The following ELFN2 variants were observed in gnomAD, a reference collection of about 807,000 sequenced individuals.
ELFN2 encodes extracellular leucine rich repeat and fibronectin type III domain containing 2.
Under a neutral mutation model 45.5 loss-of-function variants are expected in ELFN2, and 17 were observed. That is an observed-to-expected ratio of 0.37 (90% CI 0.26 to 0.56). The LOEUF (loss-of-function observed/expected upper bound fraction) is 0.56, where lower values mean the gene tolerates loss of function less well. Ranked by LOEUF, ELFN2 falls within the 20% of genes least tolerant of loss-of-function variation. The probability of loss-of-function intolerance (pLI) is 0.77; values close to 1 mark genes in which losing one functional copy is unlikely to be tolerated. For synonymous variants in ELFN2, 550 were observed against 551.5 expected (o/e 1.00, Z 0.04); for missense variants, 922 against 1,183.2 (o/e 0.78, Z 3.24).
intron 2 of ELFN2, among the ~76,000 whole-genome samples, chr22:37,408,309 C>A (rs1046920101): frequency 6.6e-6 from 1 of 152,226 alleles, no homozygotes; most frequent in Non-Finnish European, 1.5e-5. Context: ...CTGCGGCCCG[C>A]ACTCCAGGGG....
chr22:37,363,759 C>G (rs369296447), downstream of ELFN2, among the ~76,000 whole-genome samples: 7 of 152,204 alleles, frequency 4.6e-5, no homozygotes, highest in African/African-American at 1.7e-4. Flanking sequence ...CCCTAGCTTC[C>G]TGACATGTCC....
chr22:37,422,562 G>T (rs530355845), intron 1 of ELFN2, among the ~76,000 whole-genome samples: 2 of 151,502 alleles, frequency 1.3e-5, no homozygotes, highest in Non-Finnish European at 2.9e-5. Context: ...AAAATTAGCC[G>T]GGTGTGGTGG....
In ELFN2 at chr22:37,417,618, G is replaced by A. The variant is rs558163353; in HGVS notation, c.-463+151C>T. Among the ~76,000 whole-genome samples the A allele has an allele frequency of 5.9e-5, 9 of 152,352 alleles. No individual in the cohort carries two copies. The highest frequency in any genetic ancestry group is 3.4e-3 in the Middle Eastern group (1 of 294). ...TGTGGAAGGAAAGCTGGGTGGGAGG[G>A]GTGCCCACGGCTGGGGGCAGGGGCC... On this transcript the variant is annotated intron_variant, in intron 2 of 2. Transcript: ENST00000402918. The surrounding 1 kb of genome is among the most constrained non-coding windows in gnomAD (Gnocchi z 4.5).
intron 2 of ELFN2, among the ~76,000 whole-genome samples, chr22:37,383,169 G>A (rs1340172305): frequency 6.6e-6 from 1 of 152,136 alleles, no homozygotes; most frequent in African/African-American, 2.4e-5. Flanking sequence ...CCAAGCACCA[G>A]TGCCGATGCG....
chr22:37,360,959 G>A (rs901356035), intron 1 of ELFN2, among the ~76,000 whole-genome samples: 16 of 152,288 alleles, frequency 1.1e-4, no homozygotes, highest in Admixed American at 8.5e-4. Context: ...CCTCTGGAAT[G>A]GGGTTTACAG....
intron 2 of ELFN2, among the ~76,000 whole-genome samples, chr22:37,400,991 C>T (rs1324180166): frequency 6.6e-5 from 10 of 152,338 alleles, no homozygotes; most frequent in African/African-American, 2.2e-4. Context: ...GTCCTGGGGA[C>T]GGTGCAGGGG....
At position 37,350,267 on chromosome 22, in the gene ELFN2, C is replaced by T. The variant is rs975629099; in HGVS notation, n.149-7564G>A. On this transcript the variant is annotated intron_variant and non_coding_transcript_variant, in intron 1 of 2. Transcript: ENST00000452946. ...CAGGTAGCAGCATAAATGGCAAGAACGGGTGGGAGCCAAGGAAATGATTCA... is the reference window on the plus strand; with the variant it reads ...CAGGTAGCAGCATAAATGGCAAGAATGGGTGGGAGCCAAGGAAATGATTCA... Among the ~76,000 whole-genome samples, 41 of 150,552 alleles carry T rather than the reference C, an allele frequency of 2.7e-4. 1 individual carries two copies. Among genetic ancestry groups the T allele is most frequent in the Non-Finnish European group, 5.8e-4 (39 of 67,124 alleles).
chr22:37,414,832 A>G (rs575577143), intron 2 of ELFN2, among the ~76,000 whole-genome samples: 1 of 152,286 alleles, frequency 6.6e-6, no homozygotes, highest in Non-Finnish European at 1.5e-5. Flanking sequence ...GAACGTCTCT[A>G]GGATGAACCA....
downstream of ELFN2, among the ~76,000 whole-genome samples, chr22:37,364,583 T>C (rs945090489): frequency 6.6e-6 from 1 of 151,770 alleles, no homozygotes; most frequent in Non-Finnish European, 1.5e-5. Flanking sequence ...GGAAACCCCA[T>C]GGGCCACCAG....
At chr22:37,410,962 A>G (rs997951608) in intron 2 of ELFN2, among the ~76,000 whole-genome samples, 2 of 152,168 alleles carry the variant, frequency 1.3e-5, no homozygotes, top group African/African-American at 2.4e-5. Context: ...GCAGCCTCAG[A>G]GGTGACTCTA....
chr22:37,344,466 G>A (rs955252880), intron 1 of ELFN2, among the ~76,000 whole-genome samples: 8 of 151,866 alleles, frequency 5.3e-5, no homozygotes, highest in African/African-American at 1.9e-4. Flanking sequence ...TGGACAGGAG[G>A]GGCAGCAAGA....
chr22:37,412,196 C>T (rs1932664220), intron 2 of ELFN2, among the ~76,000 whole-genome samples: 1 of 140,550 alleles, frequency 7.1e-6, no homozygotes, highest in Non-Finnish European at 1.5e-5. Flanking sequence ...AATAAAAATA[C>T]AAAAATTTTC....
intron 2 of ELFN2, among the ~76,000 whole-genome samples, chr22:37,384,654 TCTCCC>T (rs1931891077): frequency 2.0e-4 from 3 of 15,106 alleles, no homozygotes; most frequent in Admixed American, 8.5e-4. Context: ...ACCCCTGGCC[TCTCCC>T]CACCTGACCC....
chr22:37,423,249 C>T (rs910762472), intron 1 of ELFN2, among the ~76,000 whole-genome samples: 1 of 152,154 alleles, frequency 6.6e-6, no homozygotes, highest in African/African-American at 2.4e-5. Context: ...GGTTGAGATG[C>T]AGGCACCACC....
At chr22:37,351,008 C>A (rs1930808862) in intron 1 of ELFN2, among the ~76,000 whole-genome samples, 2 of 150,358 alleles carry the variant, frequency 1.3e-5, no homozygotes, top group African/African-American at 4.8e-5. Flanking sequence ...CATGGCTTCT[C>A]CTCTCCAGGC....
At chr22:37,365,210 TC>T (rs35859302), downstream of ELFN2, among the ~76,000 whole-genome samples, 51,237 of 152,020 alleles carry the variant, frequency 0.34, 8,915 homozygotes, top group South Asian at 0.5. Flanking sequence ...GATCCAGTGA[TC>T]CCCCAAACCC....
downstream of ELFN2, among the ~76,000 whole-genome samples, chr22:37,367,547 G>A (rs1569129457): frequency 6.6e-6 from 1 of 152,200 alleles, no homozygotes; most frequent in Non-Finnish European, 1.5e-5. Context: ...CTGATGGGGG[G>A]CTTTTCTCCC....
intron 2 of ELFN2, among the ~76,000 whole-genome samples, chr22:37,382,248 C>T (rs918708961): frequency 6.6e-6 from 1 of 152,200 alleles, no homozygotes; most frequent in Non-Finnish European, 1.5e-5. Flanking sequence ...ACCTGCAGAC[C>T]TCCAGTAACA....
At chr22:37,361,590 AACAGTGG>A (rs1215367066) in intron 1 of ELFN2, among the ~76,000 whole-genome samples, 1 of 151,918 alleles carries the variant, frequency 6.6e-6, no homozygotes, top group African/African-American at 2.4e-5. Flanking sequence ...TTTTCCTCCA[AACAGTGG>A]GCCCATCCCA....
Sources: allele counts gnomAD v4.1 joint callset (sites outside exome capture counted in the v4.1 genomes callset), GRCh38; gene constraint gnomAD v4.1.1; non-coding constraint Gnocchi (gnomAD v3.1); transcripts MANE v1.5; gene names NCBI Gene and HGNC (gene_info 2026-07-23, HGNC 2026-07-21).